The following COP1 variants were observed in gnomAD, a reference collection of about 807,000 sequenced individuals.
COP1 encodes the protein E3 ubiquitin-protein ligase COP1.
Under a neutral mutation model 101.3 loss-of-function variants are expected in COP1, and 24 were observed. The ratio of observed to expected loss-of-function variants is 0.24; its 90% CI spans 0.17 to 0.33. COP1 has a LOEUF of 0.33. COP1 is among the 10% of genes least tolerant of loss of function. The pLI, the probability that COP1 is intolerant of heterozygous loss-of-function variation, is 1.00. For missense variants in COP1, 663 were observed against 906.2 expected, an observed-to-expected ratio of 0.73 and a Z score of 3.45; for synonymous variants, 347 against 341.9, an observed-to-expected ratio of 1.01 and a Z score of -0.17.
At chr1:176,033,168 T>C (rs61820963) in intron 14 of COP1, among the ~76,000 whole-genome samples, 10,040 of 152,168 alleles carry the variant, frequency 0.066, 412 homozygotes, top group Middle Eastern at 0.12. Flanking sequence ...TCCCAGCACC[T>C]TGGGAGGCCG....
Position 175,949,191 on chromosome 1 carries a change from A to AAAAAAAAAAC in COP1, c.2134-1953_2134-1952insGTTTTTTTTT, listed in dbSNP as rs1558152768. Among the ~76,000 whole-genome samples the AAAAAAAAAAC allele has an allele frequency of 1.4e-5, 2 of 146,626 alleles. 1 individual carries two copies. Among genetic ancestry groups the AAAAAAAAAAC allele is most frequent in the Non-Finnish European group, 3.0e-5 (2 of 66,532 alleles). ...CTCAAAAAAAAAAAAAAAAAAAAAA[A>AAAAAAAAAAC]ATGAACATGGGTAATACAATACTCA... On this transcript the variant is annotated intron_variant, in intron 18 of 19. Coordinates refer to ENST00000367669, the MANE Select transcript of COP1 (RefSeq NM_022457.7).
intron 15 of COP1, among the ~76,000 whole-genome samples, chr1:176,024,723 TAA>T (rs1393156081): frequency 1.3e-5 from 2 of 152,030 alleles, no homozygotes; most frequent in African/African-American, 2.4e-5. Flanking sequence ...AAAACAAGAA[TAA>T]AGAGAAGCAG....
At chr1:175,960,158 T>A (rs1191957490) in intron 18 of COP1, among the ~76,000 whole-genome samples, 1 of 152,210 alleles carries the variant, frequency 6.6e-6, no homozygotes, top group South Asian at 2.1e-4. Context: ...CCAGAATTTA[T>A]ATACGACAAT....
intron 18 of COP1, among the ~76,000 whole-genome samples, chr1:175,960,267 T>G (rs957564206): frequency 1.3e-5 from 2 of 152,170 alleles, no homozygotes; most frequent in Non-Finnish European, 2.9e-5. Flanking sequence ...AATTCAAAGC[T>G]CTAACGCTTC....
chr1:176,186,823 TCTAGATATATTCTGAA>T (rs1333728286), intron 1 of COP1, among the ~76,000 whole-genome samples: 12 of 152,212 alleles, frequency 7.9e-5, no homozygotes, highest in Non-Finnish European at 1.5e-4. Context: ...GTGGTGAGAT[TCTAGATATATTCTGAA>T]GGTAGGACTA....
At chr1:176,201,883 A>G (rs1198627170) in intron 1 of COP1, among the ~76,000 whole-genome samples, 4 of 152,334 alleles carry the variant, frequency 2.6e-5, no homozygotes, top group African/African-American at 4.8e-5. Context: ...TGCAGATTCA[A>G]ATAAGTTCTT....
At position 176,082,052 on chromosome 1, in the gene COP1, G is replaced by A. The variant is rs142086947; in HGVS notation, c.1142-765C>T. On this transcript the variant is annotated intron_variant, in intron 10 of 19. Coordinates refer to ENST00000367669, the MANE Select transcript of COP1 (RefSeq NM_022457.7). Reference sequence around the variant, plus strand: ...AATTTAAAACATAGTATCAGTTTACGAAGTACCTGAGAATACAACGAATCT... The same window carrying A: ...AATTTAAAACATAGTATCAGTTTACAAAGTACCTGAGAATACAACGAATCT... Among the ~76,000 whole-genome samples the A allele has an allele frequency of 2.0e-3, 309 of 152,210 alleles. 3 individuals are homozygous for A. Among genetic ancestry groups the A allele is most frequent in the African/African-American group, 6.8e-3 (283 of 41,540 alleles).
At chr1:176,041,910 G>A (rs576776536) in intron 14 of COP1, among the ~76,000 whole-genome samples, 7 of 152,120 alleles carry the variant, frequency 4.6e-5, no homozygotes, top group South Asian at 2.1e-4. Context: ...TCAGGAGTTC[G>A]AGACCAGCCT....
intron 9 of COP1, among the ~76,000 whole-genome samples, chr1:176,092,148 T>C (rs917330062): frequency 1.3e-5 from 2 of 152,134 alleles, no homozygotes; most frequent in African/African-American, 4.8e-5. Flanking sequence ...AACTGAGTTA[T>C]GCAACTAGTG....
intron 18 of COP1, among the ~76,000 whole-genome samples, chr1:175,972,483 T>TTTTTTTTTA (rs1553281799): frequency 1.3e-5 from 2 of 150,100 alleles, no homozygotes; most frequent in African/African-American, 2.5e-5. Flanking sequence ...TTTTTTTTTT[T>TTTTTTTTTA]GAGACAGAGT....
intron 5 of COP1, 85 bp downstream of exon 5, chr1:176,162,784 C>T: frequency 3.4e-6 from 4 of 1,171,950 alleles, no homozygotes; most frequent in Non-Finnish European, 4.8e-6. Context: ...GTGAAGCTAT[C>T]CTATTATTTT....
intron 9 of COP1, among the ~76,000 whole-genome samples, chr1:176,089,680 GT>G (rs905123052): frequency 6.6e-5 from 10 of 152,142 alleles, no homozygotes; most frequent in Non-Finnish European, 1.3e-4. Context: ...TAAACTCTGA[GT>G]TTTTTTCTTT....
chr1:175,978,781 A>G (rs1655141811), intron 18 of COP1, among the ~76,000 whole-genome samples: 2 of 152,210 alleles, frequency 1.3e-5, no homozygotes, highest in Admixed American at 1.3e-4. Flanking sequence ...AGAGAAACAG[A>G]GTTGAAGGAA....
intron 18 of COP1, among the ~76,000 whole-genome samples, chr1:175,969,919 A>G: frequency 6.6e-6 from 1 of 152,218 alleles, no homozygotes; most frequent in East Asian, 1.9e-4. Flanking sequence ...ATCACAGTGT[A>G]CTAGTAGTAA....
intron 18 of COP1, among the ~76,000 whole-genome samples, chr1:175,970,855 A>T (rs1228751362): frequency 1.3e-5 from 2 of 152,216 alleles, no homozygotes; most frequent in Non-Finnish European, 2.9e-5. Context: ...TTTGAAAAAA[A>T]CTTTTCTGAA....
chr1:176,043,555 A>G (rs1232730773), intron 13 of COP1, among the ~76,000 whole-genome samples, 155 bp downstream of exon 13: 2 of 152,090 alleles, frequency 1.3e-5, no homozygotes, highest in Non-Finnish European at 2.9e-5. Context: ...GGGAGACAGG[A>G]AAAAAAAGCA....
rs562218425 is a variant in COP1 at position 176,108,892 on chromosome 1, T to C, written c.1026+7732A>G. Reference sequence around the variant, plus strand: ...ACTTTGGGAGGCAGAGGCAGGCAGATCACGAGGTCAAGAGATCGAAACCAT... The same window carrying C: ...ACTTTGGGAGGCAGAGGCAGGCAGACCACGAGGTCAAGAGATCGAAACCAT... On this transcript the variant is annotated intron_variant, in intron 9 of 19. Coordinates refer to ENST00000367669, the MANE Select transcript of COP1 (RefSeq NM_022457.7). Among the ~76,000 whole-genome samples the C allele has an allele frequency of 1.1e-4, 17 of 152,146 alleles. No individual in the cohort carries two copies. In the East Asian group the frequency reaches 3.3e-3, roughly 29 times the overall value.
intron 15 of COP1, among the ~76,000 whole-genome samples, chr1:176,014,435 A>T (rs1329094988): frequency 6.6e-6 from 1 of 152,166 alleles, no homozygotes; most frequent in Non-Finnish European, 1.5e-5. Context: ...GAAGTCATTC[A>T]TTTATTTGAA....
chr1:176,034,231 C>T (rs1669104791), intron 14 of COP1, among the ~76,000 whole-genome samples: 2 of 152,114 alleles, frequency 1.3e-5, no homozygotes, highest in African/African-American at 4.8e-5. Context: ...AAGTCAGCAC[C>T]TCAAGCAACA....
Sources: allele counts gnomAD v4.1 joint callset (sites outside exome capture counted in the v4.1 genomes callset), GRCh38; gene constraint gnomAD v4.1.1; transcripts MANE v1.5; gene names NCBI Gene and HGNC (gene_info 2026-07-23, HGNC 2026-07-21).